USP24: variants seen among roughly 807,000 people sequenced by gnomAD.
USP24 encodes the protein ubiquitin specific peptidase 24.
In USP24, 97 loss-of-function variants were observed where a neutral mutation model predicts 361.6. That is an observed-to-expected ratio of 0.27 (90% confidence interval 0.23 to 0.32). The LOEUF is 0.32. USP24 is among the 10% of genes least tolerant of loss of function. USP24 has a pLI of 1.00. For synonymous variants in USP24, 1,098 were observed against 1,124.6 expected (o/e 0.98, Z 0.47); for missense variants, 2,353 against 3,165.6 (o/e 0.74, Z 6.16).
intron 1 of USP24, among the ~76,000 whole-genome samples, chr1:55,178,937 C>T (rs1650289875): frequency 6.6e-6 from 1 of 151,966 alleles, no homozygotes; most frequent in Admixed American, 6.6e-5. Context: ...CAAATGCTTG[C>T]CTTCATCAAC....
intron 1 of USP24, among the ~76,000 whole-genome samples, chr1:55,185,528 A>T (rs1439131984): frequency 6.6e-6 from 1 of 152,144 alleles, no homozygotes; most frequent in Non-Finnish European, 1.5e-5. Flanking sequence ...TTCAAATTTA[A>T]TAATAAGAAT....
At chr1:55,181,889 G>A (rs967790455) in intron 1 of USP24, among the ~76,000 whole-genome samples, 2 of 152,126 alleles carry the variant, frequency 1.3e-5, no homozygotes, top group African/African-American at 4.8e-5. Context: ...GAGGTCATAA[G>A]GGTAGGGCCC....
At chr1:55,109,397 A>T (rs1645886029) in intron 39 of USP24, among the ~76,000 whole-genome samples, 1 of 152,166 alleles carries the variant, frequency 6.6e-6, no homozygotes, top group Admixed American at 6.5e-5. Flanking sequence ...TTTGTATGAA[A>T]TTTCTTTTAG....
At chr1:55,199,620 T>TGAGAGAGAGAGAGAGA (rs1472807809) in intron 1 of USP24, among the ~76,000 whole-genome samples, 1 of 96,384 alleles carries the variant, frequency 1.0e-5, no homozygotes, top group African/African-American at 3.4e-5. Context: ...TGTGTGTGTG[T>TGAGAGAGAGAGAGAGA]GTGAGAGAGA....
At chr1:55,172,700 A>C (rs2100805315) in intron 3 of USP24, among the ~76,000 whole-genome samples, 180 bp from the exon 4 acceptor site, 1 of 152,358 alleles carries the variant, frequency 6.6e-6, no homozygotes, top group African/African-American at 2.4e-5. Context: ...TTTCAAAGTC[A>C]ATACAGAGTT....
Position 55,129,479 on chromosome 1 carries a change from C to T in USP24, c.3633G>A (p.Leu1211=). The T allele has an allele frequency of 6.2e-7, 1 of 1,613,674 alleles. No individual in the cohort carries two copies. ...TAACATTACATTGAAACTCTAACCT[C>T]AAACCGCCAGCTTTGAGGAAGTTTT... ...FCENFLKAGG[L]SLVVNVMQRD... Residue 1211 remains leucine (L), a splice_region_variant and synonymous_variant, in exon 32 of 68, where the codon TTG becomes TTA. Transcript: ENST00000294383.
rs1218018250 is a variant in USP24, at chr1:55,072,866, T to A, written c.7527-5A>T. 1.9e-6 allele frequency: 3 copies of A among 1,602,500 alleles called. No homozygotes were observed. Among genetic ancestry groups the A allele is most frequent in the East Asian group, 2.2e-5 (1 of 44,648 alleles). On this transcript the variant is annotated splice_region_variant and splice_polypyrimidine_tract_variant and intron_variant, in intron 64 of 67. Transcript: ENST00000294383. ...TACTCCTTAGCTGCAGGACACCTGA[T>A]GACCGAGGAGATTTTTATTAGCCAA...
intron 51 of USP24, 84 bp from the exon 52 acceptor site, chr1:55,094,171 AC>A: frequency 7.2e-7 from 1 of 1,381,090 alleles, no homozygotes; most frequent in Non-Finnish European, 9.8e-7. Context: ...ATTCACATAA[AC>A]GGGTATTAGA....
At chr1:55,140,682 T>G (rs914374899) in intron 24 of USP24, among the ~76,000 whole-genome samples, 1 of 152,220 alleles carries the variant, frequency 6.6e-6, no homozygotes, top group East Asian at 1.9e-4. Context: ...ATAGCCATTC[T>G]AGAGTAGAGA....
At position 55,159,527 on chromosome 1, in the gene USP24, T is replaced by C. The variant is rs952271847; in HGVS notation, c.1068+84A>G. 26 of 1,122,826 alleles carry C rather than the reference T, an allele frequency of 2.3e-5. 1 individual carries two copies. Among genetic ancestry groups the C allele is most frequent in the Non-Finnish European group, 3.0e-5 (23 of 769,884 alleles). The allele number at this position is 1,122,826 out of a possible 1,614,324, so 69.6% of individuals were successfully genotyped here. ...GCATGTGACCAGAATTCAAAGAGCA[T>C]GGTGTGTGAACCCTGCTAAGTCCTG... On this transcript the variant is annotated intron_variant, in intron 9 of 67. Coordinates refer to ENST00000294383, the MANE Select transcript of USP24 (RefSeq NM_015306.3).
intron 1 of USP24, among the ~76,000 whole-genome samples, chr1:55,199,991 T>C (rs1644528415): frequency 6.6e-6 from 1 of 152,134 alleles, no homozygotes; most frequent in Admixed American, 6.5e-5. Context: ...AAGCGGAAAC[T>C]CCTGATAAAA....
Position 55,101,767 on chromosome 1 carries a change from T to C in USP24, c.5026-64A>G, listed in dbSNP as rs556542381. 4 of 1,497,318 alleles carry C rather than the reference T, an allele frequency of 2.7e-6. No individual in the cohort carries two copies. The South Asian group carries it at 5.4e-5, about 20-fold the overall frequency. The allele number at this position is 1,497,318 out of a possible 1,614,324, so 92.8% of individuals were successfully genotyped here. A position where few individuals can be genotyped will look rare whatever the true frequency, so the allele number is the denominator to read the frequency against. On this transcript the variant is annotated intron_variant, in intron 42 of 67. Transcript: ENST00000294383. ...TGAGCATTTCTGCCACAGACACATT[T>C]ACACTATAGCTATGCGGGAGATATA...
chr1:55,103,769 A>T, intron 42 of USP24, 107 bp downstream of exon 42: 1 of 1,267,090 alleles, frequency 7.9e-7, no homozygotes, highest in Non-Finnish European at 1.1e-6. Flanking sequence ...GCAAAATAGT[A>T]ATACTGACTT....
In USP24 at chr1:55,078,553, C is replaced by T; in HGVS notation, c.7299G>A (p.Met2433Ile). The T allele has an allele frequency of 6.2e-7, 1 of 1,611,048 alleles. No individual in the cohort carries two copies. The highest frequency in any genetic ancestry group is 8.5e-7 in the Non-Finnish European group (1 of 1,178,840). Reference sequence around the variant, plus strand: ...GAGGTCTTACCTTAATGAAATGCAGCATTGTGAAGGAAAAATGCTCATTAC... The same window carrying T: ...GAGGTCTTACCTTAATGAAATGCAGTATTGTGAAGGAAAAATGCTCATTAC... ...CFCNEHFSFTMLHFIKNQLET... is the reference protein window; with the variant it reads ...CFCNEHFSFTILHFIKNQLET... Residue 2433 changes from methionine (M) to isoleucine (I), a missense_variant, in exon 61 of 68, where the codon ATG (methionine) becomes ATA (isoleucine). Physicochemically the swap from Met to Ile is conservative, Grantham distance 10. This residue lies in a region of USP24 where 598 missense variants were observed against 761.9 expected (regional missense o/e 0.78). Transcript: ENST00000294383.
chr1:55,211,378 C>A (rs934137951), intron 1 of USP24, among the ~76,000 whole-genome samples: 1 of 152,210 alleles, frequency 6.6e-6, no homozygotes, highest in Admixed American at 6.5e-5. Flanking sequence ...ACATTTACAT[C>A]CAACAATACT....
intron 39 of USP24, among the ~76,000 whole-genome samples, chr1:55,109,046 T>C (rs577215382): frequency 6.6e-6 from 1 of 152,370 alleles, no homozygotes; most frequent in Non-Finnish European, 1.5e-5. Context: ...TGGAGTGCAG[T>C]GATGCAATCT....
At chr1:55,105,118 G>A (rs1228027172) in intron 41 of USP24, among the ~76,000 whole-genome samples, 1 of 152,068 alleles carries the variant, frequency 6.6e-6, no homozygotes, top group Non-Finnish European at 1.5e-5. Flanking sequence ...CTTCATTTAT[G>A]GAGGAACTAC....
intron 54 of USP24, 87 bp downstream of exon 54, chr1:55,091,936 C>T (rs1645386399): frequency 1.9e-6 from 2 of 1,034,904 alleles, no homozygotes; most frequent in Non-Finnish European, 2.8e-6. Flanking sequence ...TAGCTGCTTT[C>T]ACAATATTTT....
rs766258920 is a variant in USP24, at chr1:55,171,614, G to A, written c.767C>T (p.Ala256Val). Residue 256 changes from alanine (A) to valine (V), a missense_variant, in exon 5 of 68, where the codon GCA becomes GTA. By Grantham distance (64) the Ala-to-Val change is moderately conservative. Transcript: ENST00000294383. ...NRMKVSQRNW[A>V]EVFGEGNMFA... ...CATATTTCCCTCTCCAAACACTTCT[G>A]CCCAATTCCTTTGAGACACTTTCAT... 3.7e-6 allele frequency: 6 copies of A among 1,610,496 alleles called. No individual in the cohort carries two copies. The highest frequency in any genetic ancestry group is 5.1e-6 in the Non-Finnish European group (6 of 1,178,156).
Sources: allele counts gnomAD v4.1 joint callset (sites outside exome capture counted in the v4.1 genomes callset), GRCh38; gene constraint gnomAD v4.1.1; regional missense constraint gnomAD v4.1.1; transcripts MANE v1.5; gene names NCBI Gene and HGNC (gene_info 2026-07-23, HGNC 2026-07-21).